The following KIF19 variants were observed in gnomAD, a reference collection of about 807,000 sequenced individuals.
KIF19 encodes the protein kinesin family member 19, also known as kinesin-like protein KIF19.
A neutral mutation model predicts 106.6 loss-of-function variants in KIF19; 98 were observed. That is an observed-to-expected ratio of 0.92 (90% CI 0.78 to 1.09). The LOEUF (loss-of-function observed/expected upper bound fraction) is 1.09. KIF19 is among the 50% of genes least tolerant of loss of function. The pLI is 0.00. For missense variants in KIF19, 1,373 were observed against 1,414.3 expected (o/e 0.97, Z 0.47); for synonymous variants, 516 against 584.2 (o/e 0.88, Z 1.68).
In KIF19 at chr17:74,341,248, G is replaced by A. The variant is rs186588417; in HGVS notation, c.121-628G>A. 4.0e-3 allele frequency among the ~76,000 whole-genome samples: 607 copies of A among 151,850 alleles called. 7 individuals carry two copies. The highest frequency in any genetic ancestry group is 0.014 in the African/African-American group (581 of 41,330). ...GCAGGAGAATCACTGAACCCAGGAG[G>A]TGGAGGTTGCAGTGAGCCGAGATCA... On this transcript the variant is annotated intron_variant, in intron 2 of 19. Transcript: ENST00000389916.
intron 2 of KIF19, among the ~76,000 whole-genome samples, chr17:74,337,476 C>T (rs1030621283): frequency 6.6e-6 from 1 of 152,196 alleles, no homozygotes; most frequent in Non-Finnish European, 1.5e-5. Context: ...CTTCCCGACC[C>T]AGTGTTTCTC....
rs2054432384 is a variant in KIF19, at chr17:74,343,179, G to A, written c.456+19G>A. Reference sequence around the variant, plus strand: ...CCTGGAGGTGAGTCCCCCAGCCTAGGCTCAGATGGGGCTGGCCTCCCTCCC... The same window carrying A: ...CCTGGAGGTGAGTCCCCCAGCCTAGACTCAGATGGGGCTGGCCTCCCTCCC... On this transcript the variant is annotated intron_variant, in intron 5 of 19. Transcript: ENST00000389916. 2.5e-6 allele frequency: 4 copies of A among 1,609,774 alleles called. No individual in the cohort carries two copies. Among genetic ancestry groups the A allele is most frequent in the South Asian group, 1.1e-5 (1 of 90,776 alleles).
chr17:74,336,807 G>T (rs1159328023), intron 2 of KIF19, among the ~76,000 whole-genome samples: 3 of 152,064 alleles, frequency 2.0e-5, no homozygotes, highest in African/African-American at 7.2e-5. Context: ...TAATAAGAGT[G>T]CCCTCTCTTT....
intron 2 of KIF19, among the ~76,000 whole-genome samples, chr17:74,336,880 TG>T: frequency 6.6e-6 from 1 of 152,276 alleles, no homozygotes; most frequent in East Asian, 1.9e-4. Flanking sequence ...GGCTGGAGTG[TG>T]GTGGCACAAT....
intron 12 of KIF19, among the ~76,000 whole-genome samples, chr17:74,351,638 G>A (rs1188357467): frequency 6.6e-6 from 1 of 152,194 alleles, no homozygotes; most frequent in Non-Finnish European, 1.5e-5. Context: ...TATCCCCCAA[G>A]CTGGTTCCAG....
At chr17:74,344,455 C>A in intron 6 of KIF19, 107 bp downstream of exon 6, 1 of 1,488,388 alleles carries the variant, frequency 6.7e-7, no homozygotes, top group South Asian at 1.2e-5. Flanking sequence ...TCGGCTGAGG[C>A]TGGGACAGAC....
At chr17:74,334,639 C>T (rs937019920) in intron 2 of KIF19, among the ~76,000 whole-genome samples, 1 of 152,200 alleles carries the variant, frequency 6.6e-6, no homozygotes, top group Non-Finnish European at 1.5e-5. Context: ...TGACAGGCCC[C>T]AGGGACACCC....
At chr17:74,352,193 A>C in intron 13 of KIF19, 26 bp from the exon 14 acceptor site, 2 of 1,599,246 alleles carry the variant, frequency 1.3e-6, no homozygotes, top group Non-Finnish European at 1.7e-6. Flanking sequence ...GCTGGCACTC[A>C]CTGAGCCCTG....
At position 74,352,350 on chromosome 17, in the gene KIF19, C is replaced by A; in HGVS notation, c.1980+10C>A. 6.2e-7 allele frequency: 1 copy of A among 1,600,372 alleles called. No homozygotes were observed. Among genetic ancestry groups the A allele is most frequent in the Admixed American group, 1.7e-5 (1 of 57,540 alleles). On this transcript the variant is annotated intron_variant, in intron 14 of 19. Transcript: ENST00000389916. Reference sequence around the variant, plus strand: ...CTCCAGGGCCCTGCAGGTGGGTGGGCGCCTGGGCGGCCTGAACATGGGCAC... The same window carrying A: ...CTCCAGGGCCCTGCAGGTGGGTGGGAGCCTGGGCGGCCTGAACATGGGCAC...
chr17:74,352,248 G>A lies in KIF19; in HGVS notation c.1888G>A (p.Glu630Lys), dbSNP rs2054734818. The change falls in exon 14 of 20, where the codon GAA (glutamate) becomes AAA (lysine). Residue 630 changes from glutamate to lysine, a missense_variant. Coordinates refer to ENST00000389916, the MANE Select transcript of KIF19 (RefSeq NM_153209.4). ...CAACCTGGCCGTCCCGCAGCGCCTG[G>A]AAGAGCTCTACGAAGTGTACCTGCG... The part of the protein sequence containing the change: ...DYNLAVPQRL[E>K]ELYEVYLREL... The A allele has an allele frequency of 4.3e-6, 7 of 1,613,052 alleles. No homozygotes were observed. The highest frequency in any genetic ancestry group is 5.1e-6 in the Non-Finnish European group (6 of 1,179,730).
intron 2 of KIF19, among the ~76,000 whole-genome samples, chr17:74,340,653 A>G (rs1362642098): frequency 6.6e-6 from 1 of 152,098 alleles, no homozygotes; most frequent in Non-Finnish European, 1.5e-5. Context: ...CTGCCAGCCC[A>G]AGCCCCTCTG....
chr17:74,351,797 C>A, intron 12 of KIF19, 70 bp from the exon 13 acceptor site: 2 of 1,356,328 alleles, frequency 1.5e-6, no homozygotes, highest in African/African-American at 1.5e-5. Context: ...GCTGGAGGGT[C>A]GAGGACGAGC....
chr17:74,327,014 G>T lies in KIF19; in HGVS notation c.39+626G>T, dbSNP rs1185370667. ...AGTGGGGGCTGTGGAGGGGAAGGTG[G>T]AATTCCTGATCATCAGTGGTGCCTG... is the stretch of plus-strand genomic sequence containing the variant. On this transcript the variant is annotated intron_variant, in intron 1 of 19. Coordinates refer to ENST00000389916, the MANE Select transcript of KIF19 (RefSeq NM_153209.4). Among the ~76,000 whole-genome samples, 7 of 152,282 alleles carry T rather than the reference G, an allele frequency of 4.6e-5. No homozygotes were observed. The East Asian group carries it at 1.2e-3, about 25-fold the overall frequency.
chr17:74,333,224 T>C (rs1316565604), intron 2 of KIF19, among the ~76,000 whole-genome samples: 1 of 152,090 alleles, frequency 6.6e-6, no homozygotes, highest in African/African-American at 2.4e-5. Context: ...GTCAGGATTC[T>C]TTACCTCTCC....
chr17:74,339,563 C>G (rs2054304772), intron 2 of KIF19, among the ~76,000 whole-genome samples: 1 of 150,924 alleles, frequency 6.6e-6, no homozygotes, highest in Non-Finnish European at 1.5e-5. Flanking sequence ...TCCCTACCTC[C>G]CTCGCCCCCT....
At chr17:74,333,771 GT>G (rs1360272302) in intron 2 of KIF19, among the ~76,000 whole-genome samples, 1 of 151,728 alleles carries the variant, frequency 6.6e-6, no homozygotes, top group Non-Finnish European at 1.5e-5. Context: ...ACAATCCACT[GT>G]GCCTGGCTGG....
intron 2 of KIF19, among the ~76,000 whole-genome samples, chr17:74,334,487 A>AG (rs1431787721): frequency 1.3e-5 from 2 of 152,182 alleles, no homozygotes; most frequent in Non-Finnish European, 2.9e-5. Context: ...CTAAGCCTCC[A>AG]GGTCTCAGAA....
At position 74,330,237 on chromosome 17, in the gene KIF19, C is replaced by T. The variant is rs146811456; in HGVS notation, c.120+1732C>T. Reference sequence around the variant, plus strand: ...AAACAGTGGTTCGAGGAGGTTCTGCCATTTGCCAGCTGTGCAGCCTGGGGG... The same window carrying T: ...AAACAGTGGTTCGAGGAGGTTCTGCTATTTGCCAGCTGTGCAGCCTGGGGG... On this transcript the variant is annotated intron_variant, in intron 2 of 19. Coordinates refer to ENST00000389916, the MANE Select transcript of KIF19 (RefSeq NM_153209.4). Among the ~76,000 whole-genome samples the T allele has an allele frequency of 2.5e-4, 38 of 152,326 alleles. 2 individuals are homozygous for T. Among genetic ancestry groups the T allele is most frequent in the African/African-American group, 9.1e-4 (38 of 41,572 alleles).
chr17:74,346,646 A>G lies in KIF19; in HGVS notation c.924+122A>G, dbSNP rs2054539041. The G allele has an allele frequency of 1.0e-5, 9 of 860,776 alleles. No individual in the cohort carries two copies. Among genetic ancestry groups the G allele is most frequent in the East Asian group, 2.7e-5 (1 of 37,278 alleles). The allele number at this position is 860,776 out of a possible 1,614,324, so 53.3% of individuals were successfully genotyped here. A position where few individuals can be genotyped will look rare whatever the true frequency, so the allele number is the denominator to read the frequency against. On this transcript the variant is annotated intron_variant, in intron 8 of 19. Coordinates refer to ENST00000389916, the MANE Select transcript of KIF19 (RefSeq NM_153209.4). This position sits in a 1 kb window ranked among gnomAD's most constrained non-coding sequence, Gnocchi z 4.6. ...CAGGATACACAGCAAAATTTATTTT[A>G]GCGTAAATATGTCCCATGAAATATT...
Sources: allele counts gnomAD v4.1 joint callset (sites outside exome capture counted in the v4.1 genomes callset), GRCh38; gene constraint gnomAD v4.1.1; non-coding constraint Gnocchi (gnomAD v3.1); transcripts MANE v1.5; gene names NCBI Gene and HGNC (gene_info 2026-07-23, HGNC 2026-07-21).